The following CBLB variants were observed in gnomAD, a reference collection of about 807,000 sequenced individuals.
The protein encoded by CBLB is E3 ubiquitin-protein ligase CBL-B.
A neutral mutation model predicts 104.9 loss-of-function variants in CBLB; 31 were observed. That is an observed-to-expected ratio of 0.30 (90% confidence interval 0.22 to 0.40). The LOEUF is 0.40. CBLB is among the 10% of genes least tolerant of loss of function. The pLI is 1.00. For missense variants in CBLB, 1,062 were observed against 1,214.6 expected, an observed-to-expected ratio of 0.87 and a Z score of 1.87; for synonymous variants, 440 against 422.6, an observed-to-expected ratio of 1.04 and a Z score of -0.51.
rs567816055 is a variant in CBLB, at chr3:105,853,759, C to T, written c.169-95G>A. 93 of 836,718 alleles carry T rather than the reference C, an allele frequency of 1.1e-4. No individual in the cohort carries two copies. Among genetic ancestry groups the T allele is most frequent in the South Asian group, 2.8e-4 (17 of 60,488 alleles). The allele number at this position is 836,718 out of a possible 1,614,324, so 51.8% of individuals were successfully genotyped here. On this transcript the variant is annotated intron_variant, in intron 2 of 18. Transcript: ENST00000394030. ...ACCATGTCCTATTTCTTCATTTTTC[C>T]ATAATATAAATAATGATCTTAACTT...
intron 12 of CBLB, among the ~76,000 whole-genome samples, chr3:105,700,201 T>C (rs1235555080): frequency 1.3e-5 from 2 of 152,018 alleles, no homozygotes; most frequent in Admixed American, 1.3e-4. Context: ...TGGGGTAACA[T>C]CTCATAAAAA....
chr3:105,690,820 T>A (rs1443911517), intron 13 of CBLB, among the ~76,000 whole-genome samples: 5 of 120,224 alleles, frequency 4.2e-5, no homozygotes, highest in Non-Finnish European at 6.7e-5. Context: ...AGACTCCATC[T>A]CAAAAAAAAA....
At chr3:105,753,998 A>G (rs890566981) in intron 4 of CBLB, among the ~76,000 whole-genome samples, 14 of 152,168 alleles carry the variant, frequency 9.2e-5, no homozygotes, top group Admixed American at 3.9e-4. Flanking sequence ...CATTCACTGG[A>G]ATCTTAATTA....
intron 3 of CBLB, among the ~76,000 whole-genome samples, chr3:105,801,805 G>A (rs1281016615): frequency 6.6e-6 from 1 of 152,180 alleles, no homozygotes; most frequent in Non-Finnish European, 1.5e-5. Flanking sequence ...AAGAATCAAG[G>A]ATATTGAATT....
chr3:105,823,620 C>T (rs545059943), intron 3 of CBLB, among the ~76,000 whole-genome samples: 1 of 152,274 alleles, frequency 6.6e-6, no homozygotes, highest in South Asian at 2.1e-4. Flanking sequence ...CTTTGATAAA[C>T]AACTTATTGC....
At chr3:105,734,728 T>G (rs1274880353) in intron 8 of CBLB, among the ~76,000 whole-genome samples, 1 of 152,234 alleles carries the variant, frequency 6.6e-6, no homozygotes, top group African/African-American at 2.4e-5. Flanking sequence ...GGCCTGGGGC[T>G]TAATCAGTTT....
At chr3:105,769,928 GT>G (rs1332210837) in intron 4 of CBLB, among the ~76,000 whole-genome samples, 3 of 152,176 alleles carry the variant, frequency 2.0e-5, no homozygotes, top group Non-Finnish European at 4.4e-5. Flanking sequence ...GGTTGTTGGG[GT>G]AATGCAGAGC....
chr3:105,787,433 CCTT>C (rs569509972), intron 3 of CBLB, among the ~76,000 whole-genome samples: 45 of 152,246 alleles, frequency 3.0e-4, no homozygotes, highest in African/African-American at 9.4e-4. Flanking sequence ...CTTATCTAAA[CCTT>C]CTTCTATAAA....
Position 105,867,520 on chromosome 3 carries a change from C to T in CBLB, c.58G>A (p.Gly20Ser). Residue 20 changes from glycine (G) to serine (S), a missense_variant, in exon 2 of 19, where the codon GGT becomes AGT. Around this residue, in one of 2 missense-constraint regions of CBLB, gnomAD observed 457 missense variants for 632.0 expected, o/e 0.72. Coordinates refer to ENST00000394030, the MANE Select transcript of CBLB (RefSeq NM_170662.5). ...GCATCAATAATACCCAAAATTCGACCTTTTCGGGGATTTCCTCCTCGACCA... is the reference window on the plus strand; with the variant it reads ...GCATCAATAATACCCAAAATTCGACTTTTTCGGGGATTTCCTCCTCGACCA... ...PGGRGGNPRK[G>S]RILGIIDAIQ... The T allele has an allele frequency of 6.2e-7, 1 of 1,614,150 alleles. No individual in the cohort carries two copies. The highest frequency in any genetic ancestry group is 8.5e-7 in the Non-Finnish European group (1 of 1,180,012).
intron 3 of CBLB, among the ~76,000 whole-genome samples, chr3:105,776,806 T>C (rs2079535558): frequency 6.6e-6 from 1 of 152,062 alleles, no homozygotes; most frequent in East Asian, 1.9e-4. Context: ...AATTACATAA[T>C]TTCACTGAGC....
At chr3:105,706,392 C>T (rs1030758402) in intron 10 of CBLB, among the ~76,000 whole-genome samples, 2 of 152,036 alleles carry the variant, frequency 1.3e-5, no homozygotes, top group Non-Finnish European at 2.9e-5. Flanking sequence ...ATTCAATTGT[C>T]ACTGAAGGAG....
chr3:105,660,600 C>T (rs978322151), intron 18 of CBLB, among the ~76,000 whole-genome samples: 1 of 152,088 alleles, frequency 6.6e-6, no homozygotes, highest in African/African-American at 2.4e-5. Flanking sequence ...CTGACAAATG[C>T]CAAACAATAA....
In CBLB at chr3:105,855,031, T is replaced by C. The variant is rs146685054; in HGVS notation, c.169-1367A>G. Among the ~76,000 whole-genome samples the C allele has an allele frequency of 2.3e-4, 35 of 152,298 alleles. No homozygotes were observed. In the East Asian group the frequency reaches 6.7e-3, roughly 29 times the overall value. On this transcript the variant is annotated intron_variant, in intron 2 of 18. Coordinates refer to ENST00000394030, the MANE Select transcript of CBLB (RefSeq NM_170662.5). ...GGAATCTGGCTAATGGAAATTTGAATTGAAGACACATTTACTTTGGGTTTA... is the reference window on the plus strand; with the variant it reads ...GGAATCTGGCTAATGGAAATTTGAACTGAAGACACATTTACTTTGGGTTTA...
At chr3:105,865,937 G>C (rs557891179) in intron 2 of CBLB, among the ~76,000 whole-genome samples, 3 of 152,304 alleles carry the variant, frequency 2.0e-5, no homozygotes, top group South Asian at 4.1e-4. Context: ...GCAAAGACAA[G>C]ATAGGCAGCA....
In CBLB at chr3:105,720,171, G is replaced by A; in HGVS notation, c.1283C>T (p.Pro428Leu). 1 of 1,613,880 alleles carries A rather than the reference G, an allele frequency of 6.2e-7. No individual in the cohort carries two copies. Among genetic ancestry groups the A allele is most frequent in the East Asian group, 2.2e-5 (1 of 44,884 alleles). ...GCAACACCTGGAGCCTTCATCTCTT[G>A]GATCAAAGGGGTCCACGATTATGGG... The part of the protein sequence containing the change: ...TEPIIVDPFD[P>L]RDEGSRCCSI... The change falls in exon 10 of 19, where the codon CCA becomes CTA. Residue 428 changes from proline (P) to leucine (L), a missense_variant. By Grantham distance (98) the Pro-to-Leu change is moderately conservative. Around this residue, in one of 2 missense-constraint regions of CBLB, gnomAD observed 457 missense variants for 632.0 expected, o/e 0.72. Transcript: ENST00000394030.
At chr3:105,789,600 A>G (rs1251604369) in intron 3 of CBLB, among the ~76,000 whole-genome samples, 4 of 152,186 alleles carry the variant, frequency 2.6e-5, no homozygotes, top group Non-Finnish European at 4.4e-5. Flanking sequence ...CAATAGACTT[A>G]ATTTCTACAA....
chr3:105,757,418 CAG>C (rs1323052469), intron 4 of CBLB, among the ~76,000 whole-genome samples: 1 of 152,092 alleles, frequency 6.6e-6, no homozygotes, highest in Non-Finnish European at 1.5e-5. Context: ...TGGCATGTAT[CAG>C]AACTACTGGG....
chr3:105,670,274 T>C lies in CBLB; in HGVS notation c.2648A>G (p.Asn883Ser), dbSNP rs1225411678. 2 of 1,613,230 alleles carry C rather than the reference T, an allele frequency of 1.2e-6. No homozygotes were observed. The highest frequency in any genetic ancestry group is 1.7e-4 in the Middle Eastern group (1 of 6,056). The change falls in exon 18 of 19, where the codon AAC becomes AGC. Residue 883 changes from asparagine to serine, a missense_variant. Around this residue, in one of 2 missense-constraint regions of CBLB, gnomAD observed 605 missense variants for 582.6 expected, o/e 1.04. Transcript: ENST00000394030. ...RRLPGENVKTNRTSQDYDQLP... is the reference protein window; with the variant it reads ...RRLPGENVKTSRTSQDYDQLP... The stretch of plus-strand genomic sequence containing the variant: ...CTGATCATAGTCCTGTGATGTTCTG[T>C]TAGTTTTGACATTTTCACCTGGTAA...
intron 3 of CBLB, among the ~76,000 whole-genome samples, chr3:105,785,377 AAT>A (rs1282292491): frequency 6.6e-6 from 1 of 152,200 alleles, no homozygotes; most frequent in Non-Finnish European, 1.5e-5. Context: ...CAATTAGAAA[AAT>A]ATCTTTACTC....
Sources: allele counts gnomAD v4.1 joint callset (sites outside exome capture counted in the v4.1 genomes callset), GRCh38; gene constraint gnomAD v4.1.1; regional missense constraint gnomAD v4.1.1; transcripts MANE v1.5; gene names NCBI Gene and HGNC (gene_info 2026-07-23, HGNC 2026-07-21).